PPP4R4: variants seen among roughly 807,000 people sequenced by gnomAD.
The protein encoded by PPP4R4 is protein phosphatase 4 regulatory subunit 4.
A neutral mutation model predicts 121.8 loss-of-function variants in PPP4R4; 70 were observed. The observed-to-expected ratio is 0.57, with a 90% CI of 0.47 to 0.70. The LOEUF is 0.70. Ranked by LOEUF, PPP4R4 falls within the 30% of genes least tolerant of loss-of-function variation. The pLI is 0.00. For missense variants in PPP4R4, 875 were observed against 1,033.6 expected, an observed-to-expected ratio of 0.85 and a Z score of 2.10; for synonymous variants, 348 against 355.7, an observed-to-expected ratio of 0.98 and a Z score of 0.24.
Position 94,246,474 on chromosome 14 carries a change from G to A in PPP4R4, c.1546G>A (p.Val516Ile), listed in dbSNP as rs375382831. Reference sequence around the variant, plus strand: ...TCAGAAATATGCCTGCCTGCCACATGTCATATCAAGCGATCAGATTTATTA... The same window carrying A: ...TCAGAAATATGCCTGCCTGCCACATATCATATCAAGCGATCAGATTTATTA... Reference protein sequence around the residue: ...LLQKYACLPHVISSDQIYYRF... With the variant: ...LLQKYACLPHIISSDQIYYRF... Residue 516 changes from valine to isoleucine, a missense_variant, in exon 14 of 25, where the codon GTC (valine) becomes ATC (isoleucine). Val to Ile is a conservative substitution (Grantham distance 29, BLOSUM62 3). Coordinates refer to ENST00000304338, the MANE Select transcript of PPP4R4 (RefSeq NM_058237.2). 1 of 1,613,922 alleles carries A rather than the reference G, an allele frequency of 6.2e-7. No individual in the cohort carries two copies. Among genetic ancestry groups the A allele is most frequent in the Non-Finnish European group, 8.5e-7 (1 of 1,179,964 alleles).
At chr14:94,184,261 A>T (rs1362499228) in intron 2 of PPP4R4, among the ~76,000 whole-genome samples, 1 of 151,912 alleles carries the variant, frequency 6.6e-6, no homozygotes, top group African/African-American at 2.4e-5. Flanking sequence ...TAAAATTCAT[A>T]GCTTTCTTTT....
chr14:94,269,546 C>T (rs1484205523), intron 23 of PPP4R4, among the ~76,000 whole-genome samples: 11 of 151,384 alleles, frequency 7.3e-5, no homozygotes, highest in Non-Finnish European at 2.9e-5. Context: ...TCGGGCGTGG[C>T]GTCAGGCGCC....
At position 94,240,799 on chromosome 14, in the gene PPP4R4, T is replaced by C; in HGVS notation, c.976+4T>C. 6.6e-7 allele frequency: 1 copy of C among 1,517,484 alleles called. No homozygotes were observed. The highest frequency in any genetic ancestry group is 8.8e-7 in the Non-Finnish European group (1 of 1,139,002). 94.0% of individuals were successfully genotyped at this position (1,517,484 alleles called of 1,614,324 possible). A position where few individuals can be genotyped will look rare whatever the true frequency, so the allele number is the denominator to read the frequency against. Reference sequence around the variant, plus strand: ...AAACTATGTCATGGACTATATGGTATGATATATCCTAAGAATTTTGAGACT... The same window carrying C: ...AAACTATGTCATGGACTATATGGTACGATATATCCTAAGAATTTTGAGACT... On this transcript the variant is annotated splice_donor_region_variant and intron_variant, in intron 9 of 24. Transcript: ENST00000304338.
intron 22 of PPP4R4, among the ~76,000 whole-genome samples, chr14:94,266,316 T>C (rs561423834): frequency 6.6e-6 from 1 of 152,200 alleles, no homozygotes; most frequent in South Asian, 2.1e-4. Flanking sequence ...ACAGCAGAGT[T>C]AGCGTGACAA....
intron 16 of PPP4R4, among the ~76,000 whole-genome samples, chr14:94,254,497 A>G (rs746371052): frequency 1.3e-5 from 2 of 152,096 alleles, no homozygotes; most frequent in Non-Finnish European, 2.9e-5. Flanking sequence ...CATTGTTGCT[A>G]TTTACAATGC....
At chr14:94,248,900 T>C (rs1483514407) in intron 14 of PPP4R4, among the ~76,000 whole-genome samples, 1 of 152,124 alleles carries the variant, frequency 6.6e-6, no homozygotes, top group African/African-American at 2.4e-5. Context: ...TTTTTAATGG[T>C]GACAAATGCA....
chr14:94,203,658 C>T (rs1369793780), intron 2 of PPP4R4, among the ~76,000 whole-genome samples: 5 of 152,076 alleles, frequency 3.3e-5, no homozygotes, highest in African/African-American at 9.7e-5. Flanking sequence ...GTGGCTATAC[C>T]GGCTTACATT....
At chr14:94,269,210 TGAGATGAACCTTAAGGTATGCTA>T (rs1894194343) in intron 23 of PPP4R4, among the ~76,000 whole-genome samples, 1 of 152,182 alleles carries the variant, frequency 6.6e-6, no homozygotes, top group Admixed American at 6.5e-5. Context: ...TTATGTCATT[TGAGATGAACCTTAAGGTATGCTA>T]GGATTTTGAC....
At chr14:94,264,485 A>T (rs1893937605) in intron 19 of PPP4R4, among the ~76,000 whole-genome samples, 1 of 152,124 alleles carries the variant, frequency 6.6e-6, no homozygotes, top group Admixed American at 6.6e-5. Context: ...TAAAGCATTT[A>T]AAAATATCCA....
intron 3 of PPP4R4, among the ~76,000 whole-genome samples, chr14:94,228,002 C>CT (rs1891811142): frequency 1.3e-5 from 2 of 152,276 alleles, no homozygotes; most frequent in African/African-American, 2.4e-5. Context: ...CTGCTTTATA[C>CT]TTTAACATTC....
At position 94,234,646 on chromosome 14, in the gene PPP4R4, A is replaced by G; in HGVS notation, c.708A>G (p.Leu236=). The G allele has an allele frequency of 1.3e-6, 2 of 1,597,102 alleles. No individual in the cohort carries two copies. The highest frequency in any genetic ancestry group is 1.7e-5 in the Admixed American group (1 of 59,896). The change falls in exon 7 of 25, where the codon TTA becomes TTG. Residue 236 remains leucine (L), a synonymous_variant. Transcript: ENST00000304338. ...TTCGATCTTGTATGTGTCGGCAATT[A>G]GAAAATATAGCCCAGGGCATTGGGT... ...YEVRSCMCRQ[L]ENIAQGIGTE...
At chr14:94,251,929 T>A in intron 16 of PPP4R4, 33 bp downstream of exon 16, 1 of 1,531,310 alleles carries the variant, frequency 6.5e-7, no homozygotes, top group Non-Finnish European at 8.8e-7. Flanking sequence ...TATTGGAAAT[T>A]GTATTTATTT....
intron 3 of PPP4R4, among the ~76,000 whole-genome samples, chr14:94,213,054 T>C (rs569386426): frequency 1.3e-5 from 2 of 152,336 alleles, no homozygotes; most frequent in South Asian, 4.1e-4. Context: ...TCAGGCACTG[T>C]ATTCTGTCAG....
chr14:94,179,186 AC>A (rs1354055014), intron 2 of PPP4R4, among the ~76,000 whole-genome samples: 4 of 152,062 alleles, frequency 2.6e-5, no homozygotes, highest in African/African-American at 4.8e-5. Flanking sequence ...CATTTCCATC[AC>A]CCCCAAAAGA....
intron 12 of PPP4R4, 110 bp downstream of exon 12, chr14:94,244,822 G>T (rs1892806630): frequency 9.4e-7 from 1 of 1,064,366 alleles, no homozygotes; most frequent in Admixed American, 3.5e-5. Context: ...CAGCTGACTA[G>T]CCCCAGAAGC....
At chr14:94,220,913 A>G (rs1486136290) in intron 3 of PPP4R4, among the ~76,000 whole-genome samples, 1 of 152,188 alleles carries the variant, frequency 6.6e-6, no homozygotes, top group Non-Finnish European at 1.5e-5. Context: ...ATGAGAATGT[A>G]AAGGACCTAG....
chr14:94,187,261 G>A (rs982636923), intron 2 of PPP4R4, among the ~76,000 whole-genome samples: 3 of 151,984 alleles, frequency 2.0e-5, no homozygotes, highest in Non-Finnish European at 2.9e-5. Context: ...AGCCAAGATC[G>A]CGCCACTGTA....
At chr14:94,181,983 G>C (rs1889016573) in intron 2 of PPP4R4, among the ~76,000 whole-genome samples, 1 of 152,200 alleles carries the variant, frequency 6.6e-6, no homozygotes, top group Non-Finnish European at 1.5e-5. Flanking sequence ...TAGCCTATTA[G>C]CGACGAGCTT....
At chr14:94,183,991 G>A (rs1889127272) in intron 2 of PPP4R4, among the ~76,000 whole-genome samples, 1 of 151,982 alleles carries the variant, frequency 6.6e-6, no homozygotes, top group African/African-American at 2.4e-5. Context: ...TATAACATAT[G>A]TATATCATAA....
Sources: allele counts gnomAD v4.1 joint callset (sites outside exome capture counted in the v4.1 genomes callset), GRCh38; gene constraint gnomAD v4.1.1; transcripts MANE v1.5; gene names NCBI Gene and HGNC (gene_info 2026-07-23, HGNC 2026-07-21).